The following WFDC10B variants were observed in gnomAD, a reference collection of about 807,000 sequenced individuals.
WFDC10B encodes WAP four-disulfide core domain 10B, also known as protein WFDC10B.
WFDC10B carries 1 observed loss-of-function variant against 2.7 expected under a neutral mutation model. The ratio of observed to expected loss-of-function variants is 0.38; its 90% CI spans 0.13 to 1.79. WFDC10B has a LOEUF of 1.79. Among genes scored for constraint, WFDC10B ranks in the 40% most tolerant of loss-of-function variants. The probability of loss-of-function intolerance (pLI) is 0.33; values close to 1 mark genes in which losing one functional copy is unlikely to be tolerated. For missense variants in WFDC10B, 71 were observed against 87.8 expected, an observed-to-expected ratio of 0.81 and a Z score of 0.76; for synonymous variants, 26 against 32.2, an observed-to-expected ratio of 0.81 and a Z score of 0.65.
At chr20:45,698,593 C>T (rs1443657550) in intron 2 of WFDC10B, among the ~76,000 whole-genome samples, 3 of 150,962 alleles carry the variant, frequency 2.0e-5, no homozygotes, top group Non-Finnish European at 4.4e-5. Context: ...AAAAAAAAAC[C>T]CAATTACAAA....
intron 2 of WFDC10B, among the ~76,000 whole-genome samples, chr20:45,703,510 C>T (rs1305889580): frequency 2.6e-5 from 4 of 152,086 alleles, no homozygotes. Context: ...CCTCTATTTG[C>T]AATAGAATGC....
At chr20:45,686,421 T>C (rs933755058) in intron 2 of WFDC10B, among the ~76,000 whole-genome samples, 3 of 152,206 alleles carry the variant, frequency 2.0e-5, no homozygotes, top group African/African-American at 7.2e-5. Context: ...GTAAACAATC[T>C]TTTATTTTCT....
rs1249902081 is a variant in WFDC10B, at chr20:45,685,779, G to A, written c.91+123C>T. On this transcript the variant is annotated intron_variant, in intron 3 of 3. Coordinates refer to ENST00000330523, the MANE Select transcript of WFDC10B (RefSeq NM_172006.2). Reference sequence around the variant, plus strand: ...TTTGGGACAGCCCAGAGTCTGCACAGCATTGTGGTCAGAGCTGGATATGCA... The same window carrying A: ...TTTGGGACAGCCCAGAGTCTGCACAACATTGTGGTCAGAGCTGGATATGCA... 37 of 1,465,806 alleles carry A rather than the reference G, an allele frequency of 2.5e-5. 1 individual carries two copies. Among genetic ancestry groups the A allele is most frequent in the Admixed American group, 8.3e-5 (4 of 48,250 alleles). The allele number at this position is 1,465,806 out of a possible 1,614,324, so 90.8% of individuals were successfully genotyped here.
intron 2 of WFDC10B, chr20:45,702,025 C>A (rs1673505694): frequency 9.1e-7 from 1 of 1,103,472 alleles, no homozygotes; most frequent in Non-Finnish European, 1.3e-6. Context: ...TCACACTGGG[C>A]CTCCACTTTG....
Position 45,703,812 on chromosome 20 carries a change from C to T in WFDC10B, c.-65+685G>A, listed in dbSNP as rs114723801. Reference sequence around the variant, plus strand: ...GTGCTCTGGCCTCCTGATCGAGAGACACCAAGGAAGAAAAAAGCTGAATCT... The same window carrying T: ...GTGCTCTGGCCTCCTGATCGAGAGATACCAAGGAAGAAAAAAGCTGAATCT... On this transcript the variant is annotated intron_variant, in intron 2 of 3. Coordinates refer to ENST00000330523, the MANE Select transcript of WFDC10B (RefSeq NM_172006.2). Among the ~76,000 whole-genome samples, 624 of 152,278 alleles carry T rather than the reference C, an allele frequency of 4.1e-3. 4 individuals are homozygous for T. The highest frequency in any genetic ancestry group is 0.014 in the African/African-American group (595 of 41,566).
intron 2 of WFDC10B, among the ~76,000 whole-genome samples, chr20:45,692,598 T>C (rs190299962): frequency 6.6e-6 from 1 of 152,240 alleles, no homozygotes; most frequent in Admixed American, 6.5e-5. Flanking sequence ...CCATCACTGA[T>C]ACCCTTTCTT....
intron 3 of WFDC10B, among the ~76,000 whole-genome samples, chr20:45,685,305 T>A (rs1373414309): frequency 6.6e-6 from 1 of 152,056 alleles, no homozygotes; most frequent in Non-Finnish European, 1.5e-5. Context: ...GCCTGAGACA[T>A]TTCCAAACCC....
chr20:45,684,679 A>T lies in WFDC10B; in HGVS notation c.*151T>A. 9.6e-7 allele frequency: 1 copy of T among 1,036,514 alleles called. No homozygotes were observed. The allele number at this position is 1,036,514 out of a possible 1,614,324, so 64.2% of individuals were successfully genotyped here. ...ATGGGCATTTGTTCTGGTTTATTTG[A>T]CAGGGACAGGGAGTTCAGACACTGG... On this transcript the variant is annotated 3_prime_UTR_variant, in exon 4 of 4. Coordinates refer to ENST00000330523, the MANE Select transcript of WFDC10B (RefSeq NM_172006.2).
At chr20:45,690,914 T>C (rs1010729864) in intron 2 of WFDC10B, among the ~76,000 whole-genome samples, 3 of 152,252 alleles carry the variant, frequency 2.0e-5, no homozygotes, top group Non-Finnish European at 2.9e-5. Flanking sequence ...TCTAGTTCTT[T>C]TAATTGTGAT....
intron 2 of WFDC10B, among the ~76,000 whole-genome samples, chr20:45,699,168 T>C (rs1003174998): frequency 6.6e-6 from 1 of 152,202 alleles, no homozygotes; most frequent in Non-Finnish European, 1.5e-5. Flanking sequence ...CCCTCGTGCA[T>C]AGCTGATAGA....
At chr20:45,692,280 A>T (rs1437134843) in intron 2 of WFDC10B, among the ~76,000 whole-genome samples, 1 of 151,594 alleles carries the variant, frequency 6.6e-6, no homozygotes, top group Non-Finnish European at 1.5e-5. Flanking sequence ...TTTTTCCTTG[A>T]TTTCAACTTT....
At chr20:45,692,563 C>T (rs1983847711) in intron 2 of WFDC10B, among the ~76,000 whole-genome samples, 1 of 152,134 alleles carries the variant, frequency 6.6e-6, no homozygotes, top group Admixed American at 6.5e-5. Flanking sequence ...CTAAACTTCC[C>T]TTCTCGCTTC....
intron 2 of WFDC10B, among the ~76,000 whole-genome samples, chr20:45,687,004 A>G (rs1983641965): frequency 6.6e-6 from 1 of 152,110 alleles, no homozygotes; most frequent in Non-Finnish European, 1.5e-5. Context: ...AAAACTCTAT[A>G]TGATTGAGCT....
intron 2 of WFDC10B, 26 bp downstream of exon 2, chr20:45,704,471 T>A: frequency 6.2e-7 from 1 of 1,614,098 alleles, no homozygotes; most frequent in Non-Finnish European, 8.5e-7. Flanking sequence ...CCACCCTGCA[T>A]ATCAGCACCT....
Position 45,686,002 on chromosome 20 carries a change from CAGA to C in WFDC10B, c.-13_-11del. 1 of 1,613,508 alleles carries C rather than the reference CAGA, an allele frequency of 6.2e-7. No individual in the cohort carries two copies. Among genetic ancestry groups the C allele is most frequent in the South Asian group, 1.1e-5 (1 of 90,894 alleles). Reference sequence around the variant, plus strand: ...GAGTCTGGGGTGCCATAACTCTGACCAGAGCGTGAGCCCTAAGTCTGGCCAGGC... The same window carrying C: ...GAGTCTGGGGTGCCATAACTCTGACCGCGTGAGCCCTAAGTCTGGCCAGGC... On this transcript the variant is annotated 5_prime_UTR_variant, in exon 3 of 4. Coordinates refer to ENST00000330523, the MANE Select transcript of WFDC10B (RefSeq NM_172006.2).
rs568999386 is a variant in WFDC10B, at chr20:45,692,647, T to C, written c.-64-6591A>G. ...TTGGCTCCTGAGGCTTCTGCATTCTTCATGTAGTTCTCGAGCCTTGGCTTT... is the reference window on the plus strand; with the variant it reads ...TTGGCTCCTGAGGCTTCTGCATTCTCCATGTAGTTCTCGAGCCTTGGCTTT... On this transcript the variant is annotated intron_variant, in intron 2 of 3. Transcript: ENST00000330523. 2.6e-5 allele frequency among the ~76,000 whole-genome samples: 4 copies of C among 152,376 alleles called. No individual in the cohort carries two copies. The East Asian group carries it at 7.7e-4, about 29-fold the overall frequency.
chr20:45,697,933 G>A (rs1984029883), intron 2 of WFDC10B, among the ~76,000 whole-genome samples: 1 of 150,648 alleles, frequency 6.6e-6, no homozygotes, highest in South Asian at 2.1e-4. Flanking sequence ...TAGTAGAGAT[G>A]GGGTTTCACT....
At chr20:45,704,787 CT>C in intron 1 of WFDC10B, 130 bp downstream of exon 1, 1 of 1,284,314 alleles carries the variant, frequency 7.8e-7, no homozygotes, top group South Asian at 1.3e-5. Flanking sequence ...CCCTCCTCCC[CT>C]CCCAATCACC....
At position 45,684,838 on chromosome 20, in the gene WFDC10B, TGCTCATACAAATGTTCCCACAGAAG is replaced by T; in HGVS notation, c.189_213del (p.Phe64SerfsTer48). 1 of 1,613,870 alleles carries T rather than the reference TGCTCATACAAATGTTCCCACAGAAG, an allele frequency of 6.2e-7. No individual in the cohort carries two copies. On this transcript the variant is annotated frameshift_variant, in exon 4 of 4. Transcript: ENST00000330523. LOFTEE classifies it high-confidence loss of function. ...CCAGCCCACTCTCCCACTCATAGGA[TGCTCATACAAATGTTCCCACAGAAG>T]GCTGAACAGCATATCTTATTTGTTT...
Sources: allele counts gnomAD v4.1 joint callset (sites outside exome capture counted in the v4.1 genomes callset), GRCh38; gene constraint gnomAD v4.1.1; transcripts MANE v1.5; gene names NCBI Gene and HGNC (gene_info 2026-07-23, HGNC 2026-07-21).